The following NBAS variants were observed in gnomAD, a reference collection of about 807,000 sequenced individuals.
NBAS encodes the protein NAG/BC035112 fusion.
Under a neutral mutation model 302.5 loss-of-function variants are expected in NBAS, and 219 were observed. The observed-to-expected ratio is 0.72, with a 90% confidence interval of 0.65 to 0.81. NBAS has a LOEUF of 0.81. Ranked by LOEUF, NBAS falls within the 30% of genes least tolerant of loss-of-function variation. The pLI is 0.00. For synonymous variants in NBAS, 1,118 were observed against 1,021.6 expected, an observed-to-expected ratio of 1.09 and a Z score of -1.80; for missense variants, 2,932 against 2,841.6, an observed-to-expected ratio of 1.03 and a Z score of -0.72.
chr2:15,512,599 G>A (rs1398874554), intron 9 of NBAS, among the ~76,000 whole-genome samples: 1 of 152,162 alleles, frequency 6.6e-6, no homozygotes, highest in Non-Finnish European at 1.5e-5. Flanking sequence ...ATCCTTAAAG[G>A]TAGAAAGGGG....
At chr2:15,096,240 G>A in the NBAS span, among the ~76,000 whole-genome samples, 12 of 152,166 alleles carry the variant, frequency 7.9e-5, no homozygotes, top group African/African-American at 2.9e-4. Context: ...TTCAAGACCA[G>A]CTGGCTGGCC....
intron 47 of NBAS, among the ~76,000 whole-genome samples, chr2:15,227,806 C>T (rs1381222041): frequency 6.6e-6 from 1 of 152,154 alleles, no homozygotes; most frequent in African/African-American, 2.4e-5. Context: ...AACTGGACTT[C>T]TATCTCTCAC....
In NBAS at chr2:15,294,103, C is replaced by T. The variant is rs115343717; in HGVS notation, c.4798-1337G>A. Among the ~76,000 whole-genome samples the T allele has an allele frequency of 2.4e-3, 373 of 152,320 alleles. 3 individuals are homozygous for T. The highest frequency in any genetic ancestry group is 8.6e-3 in the African/African-American group (358 of 41,564). ...CATTCACTAAGAGGACACGGCCCTT[C>T]CCTACAGGAATACAGTCTATTAGGA... On this transcript the variant is annotated intron_variant, in intron 40 of 51. Transcript: ENST00000281513.
intron 48 of NBAS, among the ~76,000 whole-genome samples, chr2:15,207,586 CCCCA>C (rs1666205644): frequency 6.6e-6 from 1 of 152,152 alleles, no homozygotes; most frequent in Admixed American, 6.5e-5. Context: ...AAATTGTAAT[CCCCA>C]TGTGTTGGAA....
At chr2:15,283,410 T>C (rs908902470) in intron 42 of NBAS, among the ~76,000 whole-genome samples, 1 of 151,890 alleles carries the variant, frequency 6.6e-6, no homozygotes, top group African/African-American at 2.4e-5. Context: ...ATCATGGGGG[T>C]GGTTACCCCC....
intron 6 of NBAS, among the ~76,000 whole-genome samples, chr2:15,544,583 T>C (rs535074550): frequency 2.0e-5 from 3 of 152,258 alleles, no homozygotes; most frequent in African/African-American, 7.2e-5. Context: ...TCAAGGCACA[T>C]GATAATCAAT....
chr2:14,810,275 C>T, the NBAS span, among the ~76,000 whole-genome samples: 1,657 of 152,274 alleles, frequency 0.011, 31 homozygotes, highest in African/African-American at 0.037. Flanking sequence ...GCTGTGTCCC[C>T]ACCCAAATCT....
chr2:15,504,340 C>G, intron 10 of NBAS, 127 bp from the exon 11 acceptor site: 1 of 807,218 alleles, frequency 1.2e-6, no homozygotes. Context: ...AGAAAATCAC[C>G]AAGAAGGTGT....
intron 12 of NBAS, among the ~76,000 whole-genome samples, chr2:15,484,977 GTGAT>G (rs898126405): frequency 1.3e-5 from 2 of 151,960 alleles, no homozygotes; most frequent in Non-Finnish European, 2.9e-5. Flanking sequence ...AAACATCCAA[GTGAT>G]TGATTCCCAG....
intron 24 of NBAS, 103 bp downstream of exon 24, chr2:15,417,424 T>C: frequency 1.0e-6 from 1 of 978,640 alleles, no homozygotes; most frequent in Non-Finnish European, 1.5e-6. Flanking sequence ...TACTAACTTC[T>C]CAGGTCTGTA....
At chr2:14,828,806 G>A in the NBAS span, among the ~76,000 whole-genome samples, 1 of 152,140 alleles carries the variant, frequency 6.6e-6, no homozygotes, top group Non-Finnish European at 1.5e-5. Flanking sequence ...GTGAAAAGAT[G>A]AGGGAGAGAA....
chr2:15,087,476 T>C, the NBAS span, among the ~76,000 whole-genome samples: 3 of 152,212 alleles, frequency 2.0e-5, no homozygotes, highest in Admixed American at 2.0e-4. Flanking sequence ...GTCAGACTAA[T>C]GACATTTGGC....
At chr2:15,460,274 T>C (rs1679449837) in intron 21 of NBAS, among the ~76,000 whole-genome samples, 1 of 152,244 alleles carries the variant, frequency 6.6e-6, no homozygotes, top group Non-Finnish European at 1.5e-5. Context: ...TTATCAATTC[T>C]GGTGTTACTA....
chr2:14,896,232 C>G, the NBAS span, among the ~76,000 whole-genome samples: 1 of 151,868 alleles, frequency 6.6e-6, no homozygotes, highest in African/African-American at 2.4e-5. Flanking sequence ...GGCAGTAGAG[C>G]CTCACTTTGC....
At chr2:15,097,810 G>GA in the NBAS span, among the ~76,000 whole-genome samples, 1 of 148,234 alleles carries the variant, frequency 6.7e-6, no homozygotes, top group African/African-American at 2.5e-5. Flanking sequence ...ACTCTTTTGG[G>GA]AAATAAGAGT....
rs560790934 is a variant in NBAS, at chr2:15,361,760, C to A, written c.3817+4820G>T. On this transcript the variant is annotated intron_variant, in intron 32 of 51. Transcript: ENST00000281513. ...TTGGGAGGCTGAGGCAGGCGGATCA[C>A]CTGAGGTCAGGAGTTCAAGACCAGC... Among the ~76,000 whole-genome samples the A allele has an allele frequency of 7.3e-5, 11 of 150,672 alleles. 1 individual carries two copies. The South Asian group carries it at 1.5e-3, about 20-fold the overall frequency.
the NBAS span, among the ~76,000 whole-genome samples, chr2:14,933,077 G>T: frequency 6.6e-6 from 1 of 152,164 alleles, no homozygotes; most frequent in African/African-American, 2.4e-5. Flanking sequence ...AGTTTTTGGA[G>T]ACTTTCTAGT....
chr2:15,481,795 C>T (rs1404617401), intron 12 of NBAS, among the ~76,000 whole-genome samples: 1 of 152,182 alleles, frequency 6.6e-6, no homozygotes. Context: ...GTCTCAAGCC[C>T]CTCCTTGTCT....
At chr2:14,891,841 A>C in the NBAS span, among the ~76,000 whole-genome samples, 1 of 152,140 alleles carries the variant, frequency 6.6e-6, no homozygotes, top group Non-Finnish European at 1.5e-5. Flanking sequence ...CTTTACCTTC[A>C]CCACATTCTA....
Sources: allele counts gnomAD v4.1 joint callset (sites outside exome capture counted in the v4.1 genomes callset), GRCh38; gene constraint gnomAD v4.1.1; transcripts MANE v1.5; gene names NCBI Gene and HGNC (gene_info 2026-07-23, HGNC 2026-07-21).